The following CSMD3 variants were observed in gnomAD, a reference collection of about 807,000 sequenced individuals.
The protein encoded by CSMD3 is CUB and sushi domain-containing protein 3.
A neutral mutation model predicts 435.2 loss-of-function variants in CSMD3; 177 were observed. The ratio of observed to expected loss-of-function variants is 0.41; its 90% CI spans 0.36 to 0.46. The LOEUF (loss-of-function observed/expected upper bound fraction) is 0.46, where lower values mean the gene tolerates loss of function less well. Ranked by LOEUF, CSMD3 falls within the 20% of genes least tolerant of loss-of-function variation. The pLI is 0.34. For synonymous variants in CSMD3, 1,656 were observed against 1,520.5 expected, an observed-to-expected ratio of 1.09 and a Z score of -2.07; for missense variants, 4,265 against 4,504.6, an observed-to-expected ratio of 0.95 and a Z score of 1.52.
At chr8:112,585,555 T>G (rs1830661593) in intron 23 of CSMD3, among the ~76,000 whole-genome samples, 1 of 151,644 alleles carries the variant, frequency 6.6e-6, no homozygotes, top group East Asian at 1.9e-4. Context: ...TTAGAAAGTT[T>G]TATTTTATTA....
intron 4 of CSMD3, among the ~76,000 whole-genome samples, chr8:113,117,461 G>C (rs1332411389): frequency 2.0e-5 from 3 of 152,202 alleles, no homozygotes; most frequent in Non-Finnish European, 4.4e-5. Flanking sequence ...ATTTGCTGTG[G>C]AAGTGGAGCC....
chr8:112,526,248 A>G (rs1824947358), intron 27 of CSMD3, among the ~76,000 whole-genome samples: 1 of 152,060 alleles, frequency 6.6e-6, no homozygotes, highest in African/African-American at 2.4e-5. Context: ...ATCATTCAAT[A>G]TCATAGTAGG....
At chr8:112,553,423 C>A (rs982508340) in intron 25 of CSMD3, among the ~76,000 whole-genome samples, 1 of 151,996 alleles carries the variant, frequency 6.6e-6, no homozygotes, top group Admixed American at 6.6e-5. Flanking sequence ...GATTTTACGT[C>A]AGTGAACAAC....
chr8:113,027,831 T>TA (rs1178388808), intron 5 of CSMD3, among the ~76,000 whole-genome samples: 3 of 152,068 alleles, frequency 2.0e-5, no homozygotes, highest in Non-Finnish European at 4.4e-5. Context: ...AATTCTCTTA[T>TA]AAAAAATGGA....
intron 13 of CSMD3, among the ~76,000 whole-genome samples, chr8:112,701,101 C>G (rs1384828110): frequency 6.6e-6 from 1 of 152,110 alleles, no homozygotes; most frequent in African/African-American, 2.4e-5. Flanking sequence ...ACCTCCCAAG[C>G]TCCTCAATAA....
At chr8:113,066,853 A>C (rs2088881583) in intron 5 of CSMD3, among the ~76,000 whole-genome samples, 1 of 152,122 alleles carries the variant, frequency 6.6e-6, no homozygotes, top group South Asian at 2.1e-4. Flanking sequence ...ATAGGATGGG[A>C]CTAAGAAAAT....
rs75106796 is a variant in CSMD3, at chr8:112,906,240, G to T, written c.1633+15387C>A. 3.2e-3 allele frequency among the ~76,000 whole-genome samples: 481 copies of T among 151,284 alleles called. 4 individuals are homozygous for T. Among genetic ancestry groups the T allele is most frequent in the African/African-American group, 0.01 (414 of 41,368 alleles). On this transcript the variant is annotated intron_variant, in intron 10 of 70. Coordinates refer to ENST00000297405, the MANE Select transcript of CSMD3 (RefSeq NM_198123.2). ...TCTGGTAAAATCTCAGACCCTCACA[G>T]TTCTAGATACGTACCTCTAACAATC...
At chr8:112,813,422 G>A (rs2079283449) in intron 12 of CSMD3, among the ~76,000 whole-genome samples, 1 of 152,172 alleles carries the variant, frequency 6.6e-6, no homozygotes, top group Admixed American at 6.6e-5. Flanking sequence ...CATGGCAAAA[G>A]AGATAGGATT....
At chr8:112,924,681 T>C (rs1174000034) in intron 9 of CSMD3, among the ~76,000 whole-genome samples, 1 of 151,888 alleles carries the variant, frequency 6.6e-6, no homozygotes, top group African/African-American at 2.4e-5. Flanking sequence ...CCAGTAATGG[T>C]CTCTGAAGCT....
At chr8:113,137,199 T>C (rs928823795) in intron 4 of CSMD3, among the ~76,000 whole-genome samples, 1 of 151,624 alleles carries the variant, frequency 6.6e-6, no homozygotes, top group Admixed American at 6.6e-5. Context: ...CAGATACTTG[T>C]AGTCTCAACA....
At chr8:113,311,060 A>G (rs1235934744) in intron 2 of CSMD3, 2 of 152,024 alleles carry the variant, frequency 1.3e-5, no homozygotes, top group Non-Finnish European at 2.9e-5. Context: ...ATCCTGGGTA[A>G]ATATATCTGT....
At chr8:113,283,430 T>C (rs552712689) in intron 2 of CSMD3, among the ~76,000 whole-genome samples, 6 of 151,916 alleles carry the variant, frequency 3.9e-5, no homozygotes, top group South Asian at 4.2e-4. Flanking sequence ...AGGGCATGAA[T>C]AGACAATTCT....
chr8:113,233,452 TAAAA>T (rs2093112338), intron 3 of CSMD3, among the ~76,000 whole-genome samples: 1 of 150,812 alleles, frequency 6.6e-6, no homozygotes, highest in South Asian at 2.1e-4. Flanking sequence ...CTTGCATTTA[TAAAA>T]AAGTAAACTA....
At chr8:112,669,194 G>A (rs1382947834) in intron 16 of CSMD3, among the ~76,000 whole-genome samples, 3 of 151,614 alleles carry the variant, frequency 2.0e-5, no homozygotes, top group East Asian at 1.9e-4. Context: ...CACCACACCC[G>A]GCTAATTTTT....
intron 5 of CSMD3, among the ~76,000 whole-genome samples, chr8:113,061,837 G>A (rs984164289): frequency 1.3e-5 from 2 of 151,816 alleles, no homozygotes; most frequent in Non-Finnish European, 2.9e-5. Flanking sequence ...CTTAAGATGT[G>A]TAGATGCATA....
chr8:112,731,402 T>G (rs1482300664), intron 13 of CSMD3, among the ~76,000 whole-genome samples: 1 of 152,282 alleles, frequency 6.6e-6, no homozygotes, highest in Non-Finnish European at 1.5e-5. Context: ...AAAATCTTGG[T>G]TTCCTACAAC....
intron 10 of CSMD3, among the ~76,000 whole-genome samples, chr8:112,915,234 AT>A (rs940661710): frequency 1.3e-4 from 20 of 151,764 alleles, no homozygotes; most frequent in Middle Eastern, 3.4e-3. Flanking sequence ...TACATTTCAG[AT>A]TTTTTTCAGT....
chr8:113,243,731 A>G (rs1477845783), intron 3 of CSMD3, among the ~76,000 whole-genome samples: 3 of 152,136 alleles, frequency 2.0e-5, no homozygotes, highest in Non-Finnish European at 4.4e-5. Flanking sequence ...ATCCATAAGC[A>G]ATGCACAAGG....
At chr8:112,342,043 G>A (rs551402159) in intron 41 of CSMD3, among the ~76,000 whole-genome samples, 1 of 152,168 alleles carries the variant, frequency 6.6e-6, no homozygotes, top group African/African-American at 2.4e-5. Context: ...GGCCTAATTT[G>A]TGTTATGGAA....
Sources: gnomAD v4.1 joint callset for allele counts (sites outside exome capture counted in the v4.1 genomes callset) on GRCh38, gnomAD v4.1.1 for gene constraint, MANE v1.5 for transcripts, NCBI Gene and HGNC (gene_info 2026-07-23, HGNC 2026-07-21) for gene names.